The following NAT1 variants were observed in gnomAD, a reference collection of about 807,000 sequenced individuals.
The protein encoded by NAT1 is N-acetyltransferase 1, also known as arylamine N-acetyltransferase 1.
For missense variants in NAT1, 400 were observed against 339.2 expected, an observed-to-expected ratio of 1.18 and a Z score of -1.41; for synonymous variants, 144 against 122.6, an observed-to-expected ratio of 1.17 and a Z score of -1.16.
upstream of NAT1, among the ~76,000 whole-genome samples, chr8:18,205,596 G>T (rs1056820761): frequency 6.6e-6 from 1 of 152,172 alleles, no homozygotes; most frequent in Admixed American, 6.5e-5. Context: ...CGCCACAGCA[G>T]TGGCAGGGCA....
At chr8:18,208,964 C>T (rs1327506463), upstream of NAT1, among the ~76,000 whole-genome samples, 1 of 152,106 alleles carries the variant, frequency 6.6e-6, no homozygotes, top group Non-Finnish European at 1.5e-5. Flanking sequence ...CGTACCAGTG[C>T]AGGAGTTGTC....
In NAT1 at chr8:18,188,073, A is replaced by G. The variant is rs10453163; in HGVS notation, n.92+17334A>G. On this transcript the variant is annotated intron_variant and non_coding_transcript_variant, in intron 2 of 4. Coordinates refer to the NAT1 transcript ENST00000517441. ...CAAAAAAGTTAAAATTCATCTTTAC[A>G]TAATACAGACTAGATCTAGAAATTA... 4.9e-4 allele frequency among the ~76,000 whole-genome samples: 74 copies of G among 152,258 alleles called. 1 individual carries two copies. Among genetic ancestry groups the G allele is most frequent in the African/African-American group, 1.7e-3 (71 of 41,550 alleles).
At chr8:18,175,746 G>C (rs1272972542) in intron 2 of NAT1, among the ~76,000 whole-genome samples, 1 of 151,890 alleles carries the variant, frequency 6.6e-6, no homozygotes, top group Non-Finnish European at 1.5e-5. Context: ...CAATTCCTGG[G>C]TCATATGGTA....
chr8:18,206,821 A>C (rs186786784), upstream of NAT1, among the ~76,000 whole-genome samples: 39 of 152,100 alleles, frequency 2.6e-4, no homozygotes, highest in African/African-American at 8.0e-4. Context: ...AGAAATTATA[A>C]ATTACTTTGG....
Position 18,222,797 on chromosome 8 carries a change from A to T in NAT1, c.750A>T (p.Thr250=), listed in dbSNP as rs1460597392. 3 of 1,612,406 alleles carry T rather than the reference A, an allele frequency of 1.9e-6. No homozygotes were observed. The South Asian group carries it at 3.3e-5, about 18-fold the overall frequency. The stretch of plus-strand genomic sequence containing the variant: ...GGAGATTCAATTATAAGGACAATAC[A>T]GATCTAATAGAGTTCAAGACTCTGA... ...THRRFNYKDN[T]DLIEFKTLSE... The change falls in exon 3 of 3, where the codon ACA becomes ACT. Residue 250 remains threonine (T), a synonymous_variant. Transcript: ENST00000307719.
At chr8:18,185,495 T>A (rs1802697098) in intron 2 of NAT1, among the ~76,000 whole-genome samples, 1 of 152,188 alleles carries the variant, frequency 6.6e-6, no homozygotes, top group South Asian at 2.1e-4. Flanking sequence ...TGTGACAATA[T>A]TCCCCTTTTC....
intron 2 of NAT1, among the ~76,000 whole-genome samples, chr8:18,194,601 C>T (rs1803154388): frequency 6.6e-6 from 1 of 151,962 alleles, no homozygotes; most frequent in African/African-American, 2.4e-5. Flanking sequence ...CAGGTGATCA[C>T]TTGAGGTCAG....
rs549033743 is a variant in NAT1 at position 18,178,450 on chromosome 8, C to T, written n.92+7711C>T. On this transcript the variant is annotated intron_variant and non_coding_transcript_variant, in intron 2 of 4. Transcript: ENST00000517441. ...AGTTAGAATCAACTTGATAACAAAA[C>T]AGACATCTCTTCACTCACAGAACCT... Among the ~76,000 whole-genome samples the T allele has an allele frequency of 9.2e-5, 14 of 152,196 alleles. No individual in the cohort carries two copies. The South Asian group carries it at 2.7e-3, about 29-fold the overall frequency.
chr8:18,180,415 G>C (rs555200176), intron 2 of NAT1, among the ~76,000 whole-genome samples: 258 of 149,280 alleles, frequency 1.7e-3, no homozygotes, highest in Non-Finnish European at 3.0e-3. Context: ...TTGGGAAGGA[G>C]AAACAAAGAA....
At position 18,189,003 on chromosome 8, in the gene NAT1, A is replaced by C. The variant is rs996907738; in HGVS notation, n.92+18264A>C. Reference sequence around the variant, plus strand: ...GAGAGAGACTCCGACTCAAAAAAAAAAAAAAAAAAGAAAGAAAGAAAGAAA... The same window carrying C: ...GAGAGAGACTCCGACTCAAAAAAAACAAAAAAAAAGAAAGAAAGAAAGAAA... On this transcript the variant is annotated intron_variant and non_coding_transcript_variant, in intron 2 of 4. Coordinates refer to the NAT1 transcript ENST00000517441. 2.0e-5 allele frequency among the ~76,000 whole-genome samples: 3 copies of C among 151,158 alleles called. 1 individual carries two copies. The highest frequency in any genetic ancestry group is 7.3e-5 in the African/African-American group (3 of 41,358).
At chr8:18,185,072 CGGTTTCAGGAGTGCTTG>C (rs1563165449) in intron 2 of NAT1, among the ~76,000 whole-genome samples, 4 of 70,914 alleles carry the variant, frequency 5.6e-5, no homozygotes, top group African/African-American at 5.0e-4. Context: ...GTGCTTGTTT[CGGTTTCAGGAGTGCTTG>C]TTTCAGTTTC....
intron 2 of NAT1, among the ~76,000 whole-genome samples, chr8:18,177,716 T>G (rs1480034238): frequency 6.6e-6 from 1 of 152,160 alleles, no homozygotes; most frequent in African/African-American, 2.4e-5. Context: ...CTCATCATTT[T>G]CCTTAGCTGG....
intron 2 of NAT1, among the ~76,000 whole-genome samples, chr8:18,180,225 A>C (rs188169653): frequency 1.8e-3 from 278 of 152,260 alleles, no homozygotes; most frequent in African/African-American, 6.4e-3. Context: ...TTCTGACATC[A>C]GGGTGGTGTT....
At chr8:18,177,206 G>A (rs890083864) in intron 2 of NAT1, among the ~76,000 whole-genome samples, 23 of 151,794 alleles carry the variant, frequency 1.5e-4, no homozygotes, top group African/African-American at 2.9e-4. Flanking sequence ...AAGAATTAAC[G>A]CTCAGAATTA....
rs1169121355 is a variant in NAT1, at chr8:18,222,944, C to G, written c.*24C>G. ...AGAATAAGGAGTAAAACAATCTTGT[C>G]TATTTGTCATCCAGCTCACCAGTTA... is the stretch of plus-strand genomic sequence containing the variant. On this transcript the variant is annotated 3_prime_UTR_variant, in exon 3 of 3. Coordinates refer to ENST00000307719, the MANE Select transcript of NAT1 (RefSeq NM_000662.8). The G allele has an allele frequency of 4.0e-6, 6 of 1,513,726 alleles. No homozygotes were observed. The highest frequency in any genetic ancestry group is 5.3e-6 in the Non-Finnish European group (6 of 1,136,340). The allele number at this position is 1,513,726 out of a possible 1,614,324, so 93.8% of individuals were successfully genotyped here.
chr8:18,180,675 AAAT>A (rs1802477890), intron 2 of NAT1, among the ~76,000 whole-genome samples: 1 of 152,344 alleles, frequency 6.6e-6, no homozygotes, highest in African/African-American at 2.4e-5. Flanking sequence ...CACCATAAAG[AAAT>A]AATAAGTGCA....
intron 2 of NAT1, among the ~76,000 whole-genome samples, chr8:18,195,872 T>TAC (rs1052938444): frequency 4.6e-5 from 7 of 151,392 alleles, no homozygotes; most frequent in South Asian, 4.2e-4. Context: ...CTACCAGTTA[T>TAC]ACACACACAC....
At chr8:18,211,612 A>G (rs1288194903) in intron 1 of NAT1, among the ~76,000 whole-genome samples, 1 of 152,150 alleles carries the variant, frequency 6.6e-6, no homozygotes, top group Non-Finnish European at 1.5e-5. Context: ...CCCAGTCGGC[A>G]TTAAATGGGA....
chr8:18,171,163 A>G (rs562678940), intron 2 of NAT1, among the ~76,000 whole-genome samples: 1 of 152,212 alleles, frequency 6.6e-6, no homozygotes, highest in Non-Finnish European at 1.5e-5. Context: ...ACTGGGTCAG[A>G]CAGAACTCAA....
Sources: gnomAD v4.1 joint callset for allele counts (sites outside exome capture counted in the v4.1 genomes callset) on GRCh38, gnomAD v4.1.1 for gene constraint, MANE v1.5 for transcripts, NCBI Gene and HGNC (gene_info 2026-07-23, HGNC 2026-07-21) for gene names.